The following EDIL3 variants were observed in gnomAD, a reference collection of about 807,000 sequenced individuals.
The protein encoded by EDIL3 is EGF like and discoidin domains 3.
In EDIL3, 37 loss-of-function variants were observed where a neutral mutation model predicts 67.4. The observed-to-expected ratio is 0.55, with a 90% CI of 0.42 to 0.72. The LOEUF is 0.72. Ranked by LOEUF, EDIL3 falls within the 30% of genes least tolerant of loss-of-function variation. EDIL3 has a pLI of 0.00. For synonymous variants in EDIL3, 195 were observed against 196.3 expected, an observed-to-expected ratio of 0.99 and a Z score of 0.05; for missense variants, 527 against 586.3, an observed-to-expected ratio of 0.90 and a Z score of 1.04.
intron 1 of EDIL3, among the ~76,000 whole-genome samples, chr5:84,265,250 C>T (rs548863200): frequency 9.7e-4 from 148 of 152,282 alleles, no homozygotes; most frequent in Non-Finnish European, 1.7e-3. Flanking sequence ...AAAAGCCAAA[C>T]GGGTATCTTT....
chr5:83,941,733 T>C lies in EDIL3; in HGVS notation c.*1686A>G, dbSNP rs1162383023. 2 of 152,032 alleles carry C rather than the reference T, an allele frequency of 1.3e-5. No individual in the cohort carries two copies. Among genetic ancestry groups the C allele is most frequent in the Non-Finnish European group, 2.9e-5 (2 of 67,920 alleles). 9.4% of individuals were successfully genotyped at this position (152,032 alleles called of 1,614,324 possible). Reference sequence around the variant, plus strand: ...CAGAGGCTTCAAATTCATAATTTCATAATAAGAACAAGAAGTAGAAAGCAT... The same window carrying C: ...CAGAGGCTTCAAATTCATAATTTCACAATAAGAACAAGAAGTAGAAAGCAT... On this transcript the variant is annotated 3_prime_UTR_variant, in exon 11 of 11. Coordinates refer to ENST00000296591, the MANE Select transcript of EDIL3 (RefSeq NM_005711.5).
chr5:84,138,476 T>C (rs938457009), intron 4 of EDIL3, among the ~76,000 whole-genome samples: 1 of 152,182 alleles, frequency 6.6e-6, no homozygotes, highest in African/African-American at 2.4e-5. Context: ...GAAATAGTCA[T>C]GTGCACAATC....
intron 3 of EDIL3, among the ~76,000 whole-genome samples, chr5:84,197,960 C>A (rs565026967): frequency 6.6e-6 from 1 of 152,058 alleles, no homozygotes; most frequent in Non-Finnish European, 1.5e-5. Flanking sequence ...ATTCTATTTC[C>A]TCTAAAGAGT....
intron 3 of EDIL3, among the ~76,000 whole-genome samples, chr5:84,217,859 C>A (rs1744264486): frequency 6.6e-6 from 1 of 151,750 alleles, no homozygotes. Flanking sequence ...TAATTTTATT[C>A]CCTTTAATAA....
At chr5:84,378,366 T>C (rs1245514345) in intron 1 of EDIL3, among the ~76,000 whole-genome samples, 2 of 152,184 alleles carry the variant, frequency 1.3e-5, no homozygotes, top group African/African-American at 4.8e-5. Context: ...GGTGATACAC[T>C]TACCACTCCC....
chr5:84,131,061 A>G (rs1444995077), intron 5 of EDIL3, among the ~76,000 whole-genome samples: 1 of 152,144 alleles, frequency 6.6e-6, no homozygotes, highest in Admixed American at 6.6e-5. Context: ...TAAAACTTAA[A>G]ATCACACATT....
intron 9 of EDIL3, among the ~76,000 whole-genome samples, chr5:83,968,535 C>A (rs1346857565): frequency 6.6e-6 from 1 of 151,766 alleles, no homozygotes; most frequent in Non-Finnish European, 1.5e-5. Flanking sequence ...CATGTAAAAC[C>A]ATGTACGACA....
At chr5:84,172,804 G>A (rs1313452933) in intron 4 of EDIL3, among the ~76,000 whole-genome samples, 1 of 152,062 alleles carries the variant, frequency 6.6e-6, no homozygotes, top group Non-Finnish European at 1.5e-5. Flanking sequence ...CAACAACAAT[G>A]ATAAGCTAAG....
intron 1 of EDIL3, among the ~76,000 whole-genome samples, chr5:84,323,043 T>C (rs753279204): frequency 5.4e-4 from 82 of 152,054 alleles, no homozygotes; most frequent in Middle Eastern, 3.2e-3. Context: ...GGACTAGACC[T>C]ATAAAATCTA....
At chr5:83,993,695 T>C (rs1745188664) in intron 9 of EDIL3, among the ~76,000 whole-genome samples, 1 of 152,152 alleles carries the variant, frequency 6.6e-6, no homozygotes, top group Non-Finnish European at 1.5e-5. Context: ...TATTTGAGAA[T>C]GCTTTAGTTA....
At chr5:84,152,957 A>G (rs1298237437) in intron 4 of EDIL3, among the ~76,000 whole-genome samples, 1 of 152,206 alleles carries the variant, frequency 6.6e-6, no homozygotes, top group Non-Finnish European at 1.5e-5. Flanking sequence ...ATACTATACT[A>G]AATTCATATG....
At chr5:84,037,424 T>C (rs1389737272) in intron 9 of EDIL3, among the ~76,000 whole-genome samples, 3 of 152,152 alleles carry the variant, frequency 2.0e-5, no homozygotes, top group African/African-American at 7.2e-5. Context: ...TTTGGAGACA[T>C]AAAAAAGTAG....
intron 4 of EDIL3, among the ~76,000 whole-genome samples, chr5:84,143,357 A>G (rs973439254): frequency 3.3e-5 from 5 of 152,086 alleles, no homozygotes; most frequent in African/African-American, 4.8e-5. Flanking sequence ...CGTATCACAC[A>G]CAAACCTTTT....
At chr5:84,197,241 T>C (rs1743729255) in intron 3 of EDIL3, among the ~76,000 whole-genome samples, 1 of 152,022 alleles carries the variant, frequency 6.6e-6, no homozygotes, top group African/African-American at 2.4e-5. Context: ...TGAGTGTCAA[T>C]GTATAGTGAA....
intron 1 of EDIL3, among the ~76,000 whole-genome samples, chr5:84,348,593 CA>C (rs34145102): frequency 0.87 from 121,456 of 139,182 alleles, 53,241 homozygotes; most frequent in South Asian, 0.94. Context: ...TCCTCTGTGG[CA>C]AAAAAAAAAA....
chr5:84,048,101 A>G, intron 9 of EDIL3: 1 of 294,780 alleles, frequency 3.4e-6, no homozygotes, highest in African/African-American at 2.2e-5. Flanking sequence ...CTGTCTCACA[A>G]TCATATACAA....
intron 4 of EDIL3, among the ~76,000 whole-genome samples, chr5:84,141,957 A>ATCTATCTATCTG: frequency 7.4e-6 from 1 of 134,978 alleles, no homozygotes; most frequent in Non-Finnish European, 1.6e-5. Flanking sequence ...ACATAGATCT[A>ATCTATCTATCTG]TCTATCTATC....
chr5:84,037,389 G>T (rs1328720626), intron 9 of EDIL3, among the ~76,000 whole-genome samples: 1 of 152,030 alleles, frequency 6.6e-6, no homozygotes, highest in Non-Finnish European at 1.5e-5. Flanking sequence ...ACTCATCTTT[G>T]GTTAGAAAAT....
chr5:84,054,941 C>T (rs1239811835), intron 9 of EDIL3, among the ~76,000 whole-genome samples: 3 of 145,966 alleles, frequency 2.1e-5, no homozygotes, highest in Non-Finnish European at 4.4e-5. Context: ...ACTTTCTTCA[C>T]AGAATTGGAA....
Sources: gnomAD v4.1 joint callset for allele counts (sites outside exome capture counted in the v4.1 genomes callset) on GRCh38, gnomAD v4.1.1 for gene constraint, MANE v1.5 for transcripts, NCBI Gene and HGNC (gene_info 2026-07-23, HGNC 2026-07-21) for gene names.